DCAF6: variants seen among roughly 807,000 people sequenced by gnomAD.
DCAF6 encodes the protein DDB1 and CUL4 associated factor 6.
In DCAF6, 54 loss-of-function variants were observed where a neutral mutation model predicts 125.1. The ratio of observed to expected loss-of-function variants is 0.43; its 90% CI spans 0.35 to 0.54. DCAF6 has a LOEUF of 0.54. DCAF6 is among the 20% of genes least tolerant of loss of function. The pLI is 0.01. For synonymous variants in DCAF6, 371 were observed against 390.4 expected (o/e 0.95, Z 0.58); for missense variants, 934 against 1,161.7 (o/e 0.80, Z 2.85).
At chr1:167,992,172 T>C (rs1680923940) in intron 6 of DCAF6, among the ~76,000 whole-genome samples, 1 of 151,974 alleles carries the variant, frequency 6.6e-6, no homozygotes, top group Non-Finnish European at 1.5e-5. Context: ...CTTCACTCAC[T>C]ATAGGATCAA....
upstream of DCAF6, among the ~76,000 whole-genome samples, chr1:167,932,830 AAAG>A (rs1418093132): frequency 6.6e-6 from 1 of 151,664 alleles, no homozygotes; most frequent in Non-Finnish European, 1.5e-5. Flanking sequence ...AAAAAAAAGA[AAAG>A]AAAAGAAAAG....
intron 12 of DCAF6, among the ~76,000 whole-genome samples, chr1:168,031,218 A>G (rs1184899231): frequency 6.6e-6 from 1 of 152,234 alleles, no homozygotes; most frequent in Non-Finnish European, 1.5e-5. Flanking sequence ...GAGAGCTAAA[A>G]CATCTCAAGA....
the DCAF6 span, among the ~76,000 whole-genome samples, chr1:167,881,480 A>C: frequency 2.0e-5 from 3 of 152,214 alleles, no homozygotes; most frequent in Non-Finnish European, 2.9e-5. Flanking sequence ...CCTTGACATG[A>C]AGGGGGAAAC....
intron 5 of DCAF6, 35 bp downstream of exon 5, chr1:167,987,643 A>G (rs1417231573): frequency 9.1e-7 from 1 of 1,096,360 alleles, no homozygotes; most frequent in Admixed American, 1.8e-5. Context: ...TGATGCAGAA[A>G]AAATTAAGGT....
chr1:167,881,753 C>A, the DCAF6 span, among the ~76,000 whole-genome samples: 1 of 152,244 alleles, frequency 6.6e-6, no homozygotes, highest in African/African-American at 2.4e-5. Flanking sequence ...CAGAGAAGTT[C>A]AATGACTTGC....
In DCAF6 at chr1:167,936,865, C is replaced by CAA; in HGVS notation, c.-47_-46insAA. On this transcript the variant is annotated 5_prime_UTR_variant, in exon 1 of 22. Transcript: ENST00000367840. ...AACGGGTGTCCCCTCCCCCTCCTCC[C>CAA]CTCCCCCACGCGGTGGTCTCCCCTC... The CAA allele has an allele frequency of 2.7e-6, 4 of 1,480,126 alleles. No individual in the cohort carries two copies. The highest frequency in any genetic ancestry group is 2.8e-6 in the Non-Finnish European group (3 of 1,083,446). 91.7% of individuals were successfully genotyped at this position (1,480,126 alleles called of 1,614,324 possible).
intron 17 of DCAF6, among the ~76,000 whole-genome samples, chr1:168,060,922 T>C (rs762412009): frequency 3.3e-5 from 5 of 152,234 alleles, no homozygotes; most frequent in Non-Finnish European, 5.9e-5. Context: ...AATTTTTTTC[T>C]CATTTATAGC....
At chr1:167,951,528 T>C (rs890710185) in intron 1 of DCAF6, among the ~76,000 whole-genome samples, 2 of 152,124 alleles carry the variant, frequency 1.3e-5, no homozygotes, top group African/African-American at 4.8e-5. Flanking sequence ...TGAGCTGAGA[T>C]CATGCCACTG....
At chr1:167,878,682 T>C in the DCAF6 span, 1 of 1,563,084 alleles carries the variant, frequency 6.4e-7, no homozygotes, top group African/African-American at 1.4e-5. Context: ...TAACAGGCAT[T>C]GAACTGAATG....
At chr1:167,992,252 TACACACAC>T (rs761598229) in intron 6 of DCAF6, among the ~76,000 whole-genome samples, 2 of 143,092 alleles carry the variant, frequency 1.4e-5, no homozygotes, top group South Asian at 4.5e-4. Context: ...AGGCCAGGAT[TACACACAC>T]ACACACACAC....
the DCAF6 span, among the ~76,000 whole-genome samples, chr1:167,884,198 T>C: frequency 6.6e-6 from 1 of 152,152 alleles, no homozygotes; most frequent in Non-Finnish European, 1.5e-5. Flanking sequence ...ACTGGGTAAT[T>C]TACAAGGAAA....
At chr1:167,864,624 A>G in the DCAF6 span, among the ~76,000 whole-genome samples, 3 of 152,190 alleles carry the variant, frequency 2.0e-5, no homozygotes, top group Non-Finnish European at 4.4e-5. Flanking sequence ...AAAGTCAAAG[A>G]GAGAAAGAAA....
chr1:168,044,976 T>G lies in DCAF6; in HGVS notation c.2007T>G (p.Ser669=), dbSNP rs752697699. The part of the protein sequence containing the change: ...GERNDLNLDR[S]CGVPEESASS... ...GAAATGACCTCAATCTTGATCGCTC[T>G]TGTGGGGTTCCAGAAGAATCTGCTT... is the stretch of plus-strand genomic sequence containing the variant. The change falls in exon 16 of 22, where the codon TCT becomes TCG. Residue 669 remains serine (S), a synonymous_variant. Transcript: ENST00000367840. 6 of 1,614,022 alleles carry G rather than the reference T, an allele frequency of 3.7e-6. No homozygotes were observed. Among genetic ancestry groups the G allele is most frequent in the African/African-American group, 1.3e-5 (1 of 74,934 alleles).
chr1:167,930,477 A>C, the DCAF6 span, among the ~76,000 whole-genome samples: 2 of 152,222 alleles, frequency 1.3e-5, no homozygotes, highest in Non-Finnish European at 2.9e-5. Context: ...TAGATCCCTA[A>C]ATCCTAATCT....
At chr1:168,026,630 T>TA (rs1686374280) in intron 12 of DCAF6, among the ~76,000 whole-genome samples, 1 of 152,068 alleles carries the variant, frequency 6.6e-6, no homozygotes, top group African/African-American at 2.4e-5. Context: ...GGTGTCTTGA[T>TA]AGGGTGATAA....
At chr1:167,883,431 A>T in the DCAF6 span, 2 of 1,614,150 alleles carry the variant, frequency 1.2e-6, no homozygotes. Context: ...CATAGTTCAC[A>T]CTTACCTTGT....
chr1:167,969,149 ATATTT>A (rs1676917984), intron 3 of DCAF6: 1 of 151,976 alleles, frequency 6.6e-6, no homozygotes, highest in Admixed American at 6.6e-5. Context: ...TCTAATATTA[ATATTT>A]TATATTTGTT....
At chr1:167,953,825 C>T (rs777711628) in intron 2 of DCAF6, among the ~76,000 whole-genome samples, 1 of 152,170 alleles carries the variant, frequency 6.6e-6, no homozygotes, top group Non-Finnish European at 1.5e-5. Flanking sequence ...TCTTGAACTC[C>T]TGGCCTCAGG....
chr1:167,996,055 G>A (rs1204172515), intron 7 of DCAF6, among the ~76,000 whole-genome samples: 1 of 152,194 alleles, frequency 6.6e-6, no homozygotes, highest in African/African-American at 2.4e-5. Flanking sequence ...AGTAAAGCCT[G>A]AGGAAGGTTT....
Sources: gnomAD v4.1 joint callset for allele counts (sites outside exome capture counted in the v4.1 genomes callset) on GRCh38, gnomAD v4.1.1 for gene constraint, MANE v1.5 for transcripts, NCBI Gene and HGNC (gene_info 2026-07-23, HGNC 2026-07-21) for gene names.